The following PAOX variants were observed in gnomAD, a reference collection of about 807,000 sequenced individuals.
The protein encoded by PAOX is peroxisomal N(1)-acetyl-spermine/spermidine oxidase.
PAOX carries 38 observed loss-of-function variants against 39.0 expected under a neutral mutation model. The ratio of observed to expected loss-of-function variants is 0.97; its 90% CI spans 0.75 to 1.28. The LOEUF is 1.28. PAOX is among the 50% of genes most tolerant of loss of function. PAOX has a pLI of 0.00. For missense variants in PAOX, 667 were observed against 685.7 expected, an observed-to-expected ratio of 0.97 and a Z score of 0.30; for synonymous variants, 311 against 314.4, an observed-to-expected ratio of 0.99 and a Z score of 0.11.
intron 1 of PAOX, 91 bp downstream of exon 1, chr10:133,379,588 C>CCGGTGAGG: frequency 1.9e-6 from 2 of 1,069,560 alleles, no homozygotes; most frequent in Non-Finnish European, 2.4e-6. Flanking sequence ...GCCGACCTGC[C>CCGGTGAGG]CGGCCGCCTC....
chr10:133,381,709 GC>G lies in PAOX; in HGVS notation c.868+53del, dbSNP rs781771704. The G allele has an allele frequency of 2.3e-5, 36 of 1,587,250 alleles. 1 individual carries two copies. The Admixed American group carries it at 5.9e-4, about 26-fold the overall frequency. ...CCCCATCCCAAGTGCCCCCGCCTCT[GC>G]CCTTACCCTGCCTCAGTTGGCTCTG... On this transcript the variant is annotated intron_variant, in intron 3 of 6. Transcript: ENST00000278060.
Position 133,391,445 on chromosome 10 carries a change from C to A in PAOX, c.1526C>A (p.Pro509His), listed in dbSNP as rs776336015. 1 of 1,612,092 alleles carries A rather than the reference C, an allele frequency of 6.2e-7. No individual in the cohort carries two copies. The highest frequency in any genetic ancestry group is 8.5e-7 in the Non-Finnish European group (1 of 1,179,584). ...LWAPQVQQPR[P>H]RL Reference sequence around the variant, plus strand: ...GCCCCGCAGGTGCAGCAGCCCAGGCCCAGGCTCTAGCTGGGCCCAGCCTAC... The same window carrying A: ...GCCCCGCAGGTGCAGCAGCCCAGGCACAGGCTCTAGCTGGGCCCAGCCTAC... Residue 509 changes from proline (P) to histidine (H), a missense_variant, in exon 7 of 7, where the codon CCC (proline) becomes CAC (histidine). Physicochemically the swap from Pro to His is moderately conservative, Grantham distance 77 (BLOSUM62 -2). Transcript: ENST00000278060.
Position 133,379,280 on chromosome 10 carries a change from G to A in PAOX, c.-37G>A, listed in dbSNP as rs1239370075. 4 of 1,204,618 alleles carry A rather than the reference G, an allele frequency of 3.3e-6. No individual in the cohort carries two copies. The highest frequency in any genetic ancestry group is 4.1e-6 in the Non-Finnish European group (4 of 971,784). 74.6% of individuals were successfully genotyped at this position (1,204,618 alleles called of 1,614,324 possible). A position where few individuals can be genotyped will look rare whatever the true frequency, so the allele number is the denominator to read the frequency against. On this transcript the variant is annotated 5_prime_UTR_variant, in exon 1 of 7. Coordinates refer to ENST00000278060, the MANE Select transcript of PAOX (RefSeq NM_152911.4). The stretch of plus-strand genomic sequence containing the variant: ...CTCCTCCGAGAGCTCCAGACCTCCC[G>A]GCTACTCAGAAGCCCTCGGACTGCC...
At chr10:133,379,518 C>G in intron 1 of PAOX, 21 bp downstream of exon 1, 1 of 1,225,122 alleles carries the variant, frequency 8.2e-7, no homozygotes, top group Middle Eastern at 3.1e-4. Context: ...CTCCCGGAGC[C>G]CCTCCCGGAA....
Position 133,389,751 on chromosome 10 carries a change from T to C in PAOX, c.1392+4T>C, listed in dbSNP as rs553790641. On this transcript the variant is annotated splice_donor_region_variant and intron_variant, in intron 6 of 6. Coordinates refer to ENST00000278060, the MANE Select transcript of PAOX (RefSeq NM_152911.4). The stretch of plus-strand genomic sequence containing the variant: ...TGCAGACGGCGCCGGCGCCCAGGTA[T>C]GTGGCGTGCCCCAGTCGGGGGGCGT... 4.7e-5 allele frequency: 71 copies of C among 1,513,680 alleles called. 1 individual carries two copies. In the East Asian group the frequency reaches 1.4e-3, roughly 31 times the overall value. 93.8% of individuals were successfully genotyped at this position (1,513,680 alleles called of 1,614,324 possible).
chr10:133,379,524 C>A, intron 1 of PAOX, 27 bp downstream of exon 1: 1 of 1,224,968 alleles, frequency 8.2e-7, no homozygotes, highest in South Asian at 4.2e-5. Flanking sequence ...GAGCCCCTCC[C>A]GGAACCCAAC....
intron 1 of PAOX, 116 bp downstream of exon 1, chr10:133,379,613 G>A: frequency 1.2e-6 from 1 of 856,126 alleles, no homozygotes; most frequent in Non-Finnish European, 1.5e-6. Context: ...GGCTCCCCGA[G>A]GGAATCCCCG....
At chr10:133,381,048 G>T (rs1445449964) in intron 2 of PAOX, among the ~76,000 whole-genome samples, 1 of 152,236 alleles carries the variant, frequency 6.6e-6, no homozygotes, top group East Asian at 1.9e-4. Context: ...CAACTGCAGA[G>T]GGGGCCAGAC....
chr10:133,379,803 G>A lies in PAOX; in HGVS notation c.182-196G>A, dbSNP rs539765876. On this transcript the variant is annotated intron_variant, in intron 1 of 6. Coordinates refer to ENST00000278060, the MANE Select transcript of PAOX (RefSeq NM_152911.4). ...CCCCTCCCTCTGGTCCACACCGCCC[G>A]ACAAGTGCCCTCCTGCCCAGGTGCT... 5.8e-5 allele frequency: 40 copies of A among 688,388 alleles called. 1 individual carries two copies. Among genetic ancestry groups the A allele is most frequent in the African/African-American group, 5.6e-4 (31 of 55,786 alleles). The allele number at this position is 688,388 out of a possible 1,614,324, so 42.6% of individuals were successfully genotyped here.
intron 6 of PAOX, among the ~76,000 whole-genome samples, chr10:133,390,410 C>CCACACACACACACACACACACACACACA (rs59249557): frequency 7.6e-5 from 11 of 145,330 alleles, no homozygotes; most frequent in African/African-American, 2.5e-4. Flanking sequence ...GAGTCGGTCT[C>CCACACACACACACACACACACACACACA]CACACACACA....
At position 133,380,255 on chromosome 10, in the gene PAOX, C is replaced by T. The variant is rs1201111576; in HGVS notation, c.438C>T (p.His146=). Residue 146 remains histidine (H), a synonymous_variant, in exon 2 of 7, where the codon CAC becomes CAT. Transcript: ENST00000278060. ...TAGACCAGACCCGGGAGTTCCTGCA[C>T]GCTGCAGAGACCCCGGTGCCCAGCG... ...GLIDQTREFL[H]AAETPVPSVG... is the part of the protein sequence containing the mutation. The T allele has an allele frequency of 1.9e-6, 3 of 1,612,904 alleles. No homozygotes were observed. The highest frequency in any genetic ancestry group is 2.2e-5 in the East Asian group (1 of 44,868).
Position 133,380,288 on chromosome 10 carries a change from G to A in PAOX, c.471G>A (p.Glu157=). 2 of 1,612,930 alleles carry A rather than the reference G, an allele frequency of 1.2e-6. No individual in the cohort carries two copies. Among genetic ancestry groups the A allele is most frequent in the Non-Finnish European group, 1.7e-6 (2 of 1,180,030 alleles). ...AGACCCCGGTGCCCAGCGTCGGGGA[G>A]TACCTCAAGAAGGAGATTGGCCAGC... ...AAETPVPSVG[E]YLKKEIGQHV... Residue 157 remains glutamate, a synonymous_variant, in exon 2 of 7, where the codon GAG becomes GAA. Transcript: ENST00000278060.
rs568819191 is a variant in PAOX at position 133,389,416 on chromosome 10, C to T, written c.1235-174C>T. On this transcript the variant is annotated intron_variant, in intron 5 of 6. Transcript: ENST00000278060. ...TCAGAGGCCCCCGGGTCCCAGCCCA[C>T]TGCTCTCGGGTCAGAGGCGGCAGGA... 3.3e-5 allele frequency among the ~76,000 whole-genome samples: 5 copies of T among 152,292 alleles called. No individual in the cohort carries two copies. In the East Asian group the frequency reaches 5.8e-4, roughly 18 times the overall value.
Position 133,391,656 on chromosome 10 carries a change from C to T in PAOX, c.*201C>T, listed in dbSNP as rs1361458915. ...GACTTGAGCTGAGACACCAGATGCTCACGGAGATGCTGGACACATAAAGCA... is the reference window on the plus strand; with the variant it reads ...GACTTGAGCTGAGACACCAGATGCTTACGGAGATGCTGGACACATAAAGCA... On this transcript the variant is annotated 3_prime_UTR_variant, in exon 7 of 7. Transcript: ENST00000278060. 2.6e-6 allele frequency: 2 copies of T among 783,058 alleles called. No homozygotes were observed. Among genetic ancestry groups the T allele is most frequent in the African/African-American group, 1.7e-5 (1 of 57,246 alleles). The allele number at this position is 783,058 out of a possible 1,614,324, so 48.5% of individuals were successfully genotyped here.
At chr10:133,382,887 C>T (rs1849429796) in intron 3 of PAOX, 1 of 151,886 alleles carries the variant, frequency 6.6e-6, no homozygotes, top group African/African-American at 2.4e-5. Context: ...ACACATAGAT[C>T]TACAGCGGTC....
At chr10:133,386,929 T>C (rs543643706) in intron 4 of PAOX, among the ~76,000 whole-genome samples, 1 of 152,252 alleles carries the variant, frequency 6.6e-6, no homozygotes, top group South Asian at 2.1e-4. Flanking sequence ...CACTGAAATC[T>C]ATTTGTCTGT....
At chr10:133,380,770 G>T (rs1282266579) in intron 2 of PAOX, among the ~76,000 whole-genome samples, 1 of 152,226 alleles carries the variant, frequency 6.6e-6, no homozygotes, top group Admixed American at 6.5e-5. Context: ...ATGAGGTCAG[G>T]AGTTCAAGAA....
chr10:133,384,589 A>C lies in PAOX; in HGVS notation c.1121+377A>C, dbSNP rs1483997716. On this transcript the variant is annotated intron_variant, in intron 4 of 6. Coordinates refer to ENST00000278060, the MANE Select transcript of PAOX (RefSeq NM_152911.4). This position sits in a 1 kb window ranked among gnomAD's most constrained non-coding sequence, Gnocchi z 4.3. ...GGGAGACAATACTTAAATGGGATGA[A>C]ATAATTGAAGGAAACATTCCGAGAA... 6.6e-6 allele frequency among the ~76,000 whole-genome samples: 1 copy of C among 152,172 alleles called. No individual in the cohort carries two copies. Among genetic ancestry groups the C allele is most frequent in the Non-Finnish European group, 1.5e-5 (1 of 68,024 alleles).
rs1849386163 is a variant in PAOX at position 133,381,656 on chromosome 10, TTAGG to T, written c.868+3_868+6del. 5 of 1,612,956 alleles carry T rather than the reference TTAGG, an allele frequency of 3.1e-6. No individual in the cohort carries two copies. The South Asian group carries it at 4.4e-5, about 14-fold the overall frequency. ...GCACCATGTCATCGTCACCGTGCCC[TTAGG>T]TAGGTCAGGTTTTCAGCCCAAACCC... On this transcript the variant is annotated splice_donor_variant and coding_sequence_variant, in exon 3 of 7. Coordinates refer to ENST00000278060, the MANE Select transcript of PAOX (RefSeq NM_152911.4). LOFTEE classifies it high-confidence loss of function.
Sources: gnomAD v4.1 joint callset for allele counts (sites outside exome capture counted in the v4.1 genomes callset) on GRCh38, gnomAD v4.1.1 for gene constraint, Gnocchi (gnomAD v3.1) non-coding constraint, MANE v1.5 for transcripts, NCBI Gene and HGNC (gene_info 2026-07-23, HGNC 2026-07-21) for gene names.